Variants in CYRIA observed in about 807,000 individuals in gnomAD.
The protein encoded by CYRIA is CYFIP-related Rac1 interactor A.
CYRIA carries 15 observed loss-of-function variants against 43.9 expected under a neutral mutation model. The ratio of observed to expected loss-of-function variants is 0.34; its 90% CI spans 0.23 to 0.53. CYRIA has a LOEUF of 0.53. CYRIA is among the 20% of genes least tolerant of loss of function. The pLI is 0.94. For synonymous variants in CYRIA, 117 were observed against 136.0 expected (o/e 0.86, Z 0.97); for missense variants, 236 against 394.2 (o/e 0.60, Z 3.40).
At chr2:16,655,271 GGTGTGGGGCCTAGT>G (rs1670080451) in intron 1 of CYRIA, among the ~76,000 whole-genome samples, 1 of 152,274 alleles carries the variant, frequency 6.6e-6, no homozygotes, top group East Asian at 1.9e-4. Flanking sequence ...CTGGGCTTGG[GGTGTGGGGCCTAGT>G]GTGTGGGCTT....
At chr2:16,629,428 G>A (rs1024349283) in intron 1 of CYRIA, among the ~76,000 whole-genome samples, 1 of 152,202 alleles carries the variant, frequency 6.6e-6, no homozygotes, top group African/African-American at 2.4e-5. Flanking sequence ...TTTGAAGCCA[G>A]GAAATCACTC....
At chr2:16,648,755 T>C (rs1050970393) in intron 1 of CYRIA, among the ~76,000 whole-genome samples, 6 of 152,190 alleles carry the variant, frequency 3.9e-5, no homozygotes, top group African/African-American at 9.7e-5. Context: ...ATATCTACTA[T>C]ATATCAAGAA....
At chr2:16,654,908 T>C (rs1572207186) in intron 1 of CYRIA, among the ~76,000 whole-genome samples, 1 of 152,220 alleles carries the variant, frequency 6.6e-6, no homozygotes, top group African/African-American at 2.4e-5. Context: ...CACATTCATA[T>C]ACCACAAATA....
At chr2:16,621,960 C>T (rs1669011384) in intron 2 of CYRIA, among the ~76,000 whole-genome samples, 1 of 152,156 alleles carries the variant, frequency 6.6e-6, no homozygotes, top group African/African-American at 2.4e-5. Flanking sequence ...TCCTGTATCC[C>T]TAGCACCAAG....
intron 1 of CYRIA, 26 bp downstream of exon 1, chr2:16,665,754 C>G (rs543873401): frequency 7.8e-6 from 1 of 127,694 alleles, no homozygotes; most frequent in Non-Finnish European, 1.6e-5. Flanking sequence ...GCGCCCCTGC[C>G]GCGCCCCCAG....
At chr2:16,565,146 G>T (rs1666880574) in intron 4 of CYRIA, among the ~76,000 whole-genome samples, 1 of 151,148 alleles carries the variant, frequency 6.6e-6, no homozygotes, top group South Asian at 2.1e-4. Context: ...TCAGATTAAT[G>T]CACTAGAATA....
chr2:16,610,762 G>A (rs1238200978), intron 2 of CYRIA, among the ~76,000 whole-genome samples: 1 of 151,620 alleles, frequency 6.6e-6, no homozygotes, highest in Non-Finnish European at 1.5e-5. Flanking sequence ...AAACTGTATA[G>A]GCTCTGCTTA....
In CYRIA at chr2:16,561,509, C is replaced by A; in HGVS notation, c.460G>T (p.Asp154Tyr). 1 of 1,613,722 alleles carries A rather than the reference C, an allele frequency of 6.2e-7. No homozygotes were observed. The highest frequency in any genetic ancestry group is 1.1e-5 in the South Asian group (1 of 91,068). ...LKMRNPAIQN[D>Y]FSYYRRTISR... ...ATTGTTCTTCTGTAGTAGCTGAAGT[C>A]ATTCTGAATAGCCGGGTTCCTCATC... is the stretch of plus-strand genomic sequence containing the variant. The change falls in exon 7 of 12, where the codon GAC becomes TAC. Residue 154 changes from aspartate to tyrosine, a missense_variant. Asp to Tyr is a radical substitution (Grantham distance 160). Coordinates refer to ENST00000381323, the MANE Select transcript of CYRIA (RefSeq NM_030797.4).
At chr2:16,593,716 GTGT>G (rs1280592678) in intron 2 of CYRIA, among the ~76,000 whole-genome samples, 3,795 of 86,854 alleles carry the variant, frequency 0.044, 206 homozygotes, top group African/African-American at 0.1. Context: ...TTGTGTGTGT[GTGT>G]TTTTTTTTTT....
chr2:16,607,566 G>C (rs1668451206), intron 2 of CYRIA, among the ~76,000 whole-genome samples: 1 of 152,138 alleles, frequency 6.6e-6, no homozygotes, highest in Non-Finnish European at 1.5e-5. Flanking sequence ...TATGACAGTG[G>C]AAGGGCTCCT....
chr2:16,606,570 A>G (rs569354213), intron 2 of CYRIA, among the ~76,000 whole-genome samples: 1 of 152,032 alleles, frequency 6.6e-6, no homozygotes, highest in Non-Finnish European at 1.5e-5. Flanking sequence ...AACAAAATGA[A>G]AAAGAGGCCT....
chr2:16,567,110 T>C (rs1666960915), intron 3 of CYRIA, among the ~76,000 whole-genome samples: 1 of 151,692 alleles, frequency 6.6e-6, no homozygotes. Flanking sequence ...TCTCTGGGGA[T>C]AAAAAAAAGA....
intron 1 of CYRIA, among the ~76,000 whole-genome samples, chr2:16,633,508 T>C (rs888963732): frequency 6.6e-6 from 1 of 150,538 alleles, no homozygotes; most frequent in Non-Finnish European, 1.5e-5. Flanking sequence ...CCACCTCGAA[T>C]AGTTGGGATT....
intron 2 of CYRIA, among the ~76,000 whole-genome samples, chr2:16,605,138 A>C (rs201914409): frequency 7.0e-6 from 1 of 143,650 alleles, no homozygotes. Flanking sequence ...AAAAAAAAAA[A>C]CCACGAAACC....
chr2:16,613,100 AATTACCCAGTCTTGGGT>A (rs1668661596), intron 2 of CYRIA, among the ~76,000 whole-genome samples: 1 of 152,192 alleles, frequency 6.6e-6, no homozygotes, highest in African/African-American at 2.4e-5. Flanking sequence ...TTCCTTTGTA[AATTACCCAGTCTTGGGT>A]ATGTCTTTCT....
chr2:16,559,828 C>T (rs1666666364), intron 9 of CYRIA, among the ~76,000 whole-genome samples: 1 of 152,102 alleles, frequency 6.6e-6, no homozygotes, highest in East Asian at 1.9e-4. Context: ...TCTCATCTGC[C>T]CTTCAGCGGG....
At chr2:16,656,608 C>G (rs1219213672) in intron 1 of CYRIA, among the ~76,000 whole-genome samples, 2 of 152,194 alleles carry the variant, frequency 1.3e-5, no homozygotes, top group Admixed American at 6.5e-5. Flanking sequence ...CACAGTGGGT[C>G]CTCAGAGAGG....
At chr2:16,652,514 A>T (rs1670003400) in intron 1 of CYRIA, among the ~76,000 whole-genome samples, 1 of 152,106 alleles carries the variant, frequency 6.6e-6, no homozygotes, top group African/African-American at 2.4e-5. Context: ...TGAGATGAGC[A>T]TTTTGCTCTG....
intron 3 of CYRIA, among the ~76,000 whole-genome samples, chr2:16,578,050 C>T (rs775088125): frequency 3.3e-5 from 5 of 152,186 alleles, no homozygotes; most frequent in African/African-American, 4.8e-5. Flanking sequence ...GGTTGAGAAA[C>T]GCCATCCTGA....
Sources: allele counts gnomAD v4.1 joint callset (sites outside exome capture counted in the v4.1 genomes callset), GRCh38; gene constraint gnomAD v4.1.1; transcripts MANE v1.5; gene names NCBI Gene and HGNC (gene_info 2026-07-23, HGNC 2026-07-21).